The following C8orf34 variants were observed in gnomAD, a reference collection of about 807,000 sequenced individuals.
C8orf34 encodes uncharacterized protein C8orf34.
In C8orf34, 65 loss-of-function variants were observed where a neutral mutation model predicts 68.3. The ratio of observed to expected loss-of-function variants is 0.95; its 90% CI spans 0.78 to 1.17. C8orf34 has a LOEUF of 1.17. Among genes scored for constraint, C8orf34 ranks in the 50% most tolerant of loss-of-function variants. C8orf34 has a pLI of 0.00. For synonymous variants in C8orf34, 244 were observed against 241.2 expected, an observed-to-expected ratio of 1.01 and a Z score of -0.11; for missense variants, 664 against 655.4, an observed-to-expected ratio of 1.01 and a Z score of -0.14.
chr8:68,394,225 C>T (rs1358372638), intron 1 of C8orf34, among the ~76,000 whole-genome samples: 403 of 130,918 alleles, frequency 3.1e-3, no homozygotes, highest in East Asian at 3.8e-3. Flanking sequence ...TCTCCCAATG[C>T]TATCCCTCCC....
chr8:68,496,709 T>G (rs1813539844), intron 5 of C8orf34, among the ~76,000 whole-genome samples: 1 of 152,208 alleles, frequency 6.6e-6, no homozygotes, highest in African/African-American at 2.4e-5. Flanking sequence ...TCTATTTCTG[T>G]TTATTTCTCC....
At chr8:68,519,928 G>C (rs1009806225) in intron 5 of C8orf34, among the ~76,000 whole-genome samples, 4 of 152,134 alleles carry the variant, frequency 2.6e-5, no homozygotes, top group Non-Finnish European at 5.9e-5. Context: ...TCAAAAACAT[G>C]TCTTCACAGT....
chr8:68,463,988 G>C (rs539483453), intron 3 of C8orf34, among the ~76,000 whole-genome samples: 83 of 152,292 alleles, frequency 5.5e-4, no homozygotes, highest in African/African-American at 1.9e-3. Context: ...ATTAGGAAAA[G>C]AGGAAGTCAA....
At position 68,465,815 on chromosome 8, in the gene C8orf34, G is replaced by T. The variant is rs1265593326; in HGVS notation, c.608-2877G>T. Among the ~76,000 whole-genome samples, 41 of 151,874 alleles carry T rather than the reference G, an allele frequency of 2.7e-4. 1 individual carries two copies. The South Asian group carries it at 7.5e-3, about 28-fold the overall frequency. ...GGGGCCTGTTGTGGGGTGGGGGCAG[G>T]GGGGAGGGATAGCATTAGGAGATAT... On this transcript the variant is annotated intron_variant, in intron 3 of 13. Transcript: ENST00000518698.
chr8:68,501,950 TGACATTTCAAAAAAAAA>T (rs1813792182), intron 5 of C8orf34, among the ~76,000 whole-genome samples: 1 of 152,218 alleles, frequency 6.6e-6, no homozygotes, highest in African/African-American at 2.4e-5. Flanking sequence ...GTAAATATTT[TGACATTTCAAAAAAAAA>T]GATATTTCTT....
intron 1 of C8orf34, among the ~76,000 whole-genome samples, chr8:68,427,693 A>G (rs1810287916): frequency 6.6e-6 from 1 of 152,090 alleles, no homozygotes; most frequent in Non-Finnish European, 1.5e-5. Flanking sequence ...ACGAATGCAT[A>G]TAAACTGGGA....
At chr8:68,587,555 A>G (rs1817244458) in intron 7 of C8orf34, among the ~76,000 whole-genome samples, 1 of 152,146 alleles carries the variant, frequency 6.6e-6, no homozygotes, top group African/African-American at 2.4e-5. Context: ...AAGATAGGAA[A>G]GATAGATAAG....
At chr8:68,794,234 C>T (rs1824098439) in intron 12 of C8orf34, among the ~76,000 whole-genome samples, 1 of 151,494 alleles carries the variant, frequency 6.6e-6, no homozygotes, top group Admixed American at 6.6e-5. Context: ...TGCAGGGGGG[C>T]AATCACAGCT....
chr8:68,570,534 G>A (rs964129337), intron 7 of C8orf34, among the ~76,000 whole-genome samples: 6 of 152,178 alleles, frequency 3.9e-5, no homozygotes, highest in Non-Finnish European at 2.9e-5. Context: ...TATCATAATA[G>A]TTGCAGTTCC....
chr8:68,669,873 C>G (rs1175538100), intron 8 of C8orf34, among the ~76,000 whole-genome samples: 1 of 152,162 alleles, frequency 6.6e-6, no homozygotes, highest in African/African-American at 2.4e-5. Flanking sequence ...TTGTCTAACT[C>G]TGGGATGAAT....
chr8:68,807,456 A>C (rs1021934990), intron 12 of C8orf34, among the ~76,000 whole-genome samples: 6 of 151,962 alleles, frequency 3.9e-5, no homozygotes, highest in Non-Finnish European at 2.9e-5. Context: ...ATATACATTG[A>C]CTTGTAGTTT....
At chr8:68,729,661 C>T (rs1821926602) in intron 10 of C8orf34, among the ~76,000 whole-genome samples, 1 of 152,058 alleles carries the variant, frequency 6.6e-6, no homozygotes, top group African/African-American at 2.4e-5. Flanking sequence ...ATTATAAAAT[C>T]ACACTTAGGC....
At chr8:68,550,920 C>G (rs188199864) in intron 7 of C8orf34, among the ~76,000 whole-genome samples, 51 of 151,256 alleles carry the variant, frequency 3.4e-4, no homozygotes, top group Admixed American at 1.6e-3. Flanking sequence ...TGCTTCCCCC[C>G]CTCTGGTTTC....
At chr8:68,679,147 C>G (rs961887449) in intron 8 of C8orf34, among the ~76,000 whole-genome samples, 3 of 151,894 alleles carry the variant, frequency 2.0e-5, no homozygotes, top group Non-Finnish European at 4.4e-5. Context: ...ATTAGCCAGG[C>G]ATGGTGGCAC....
chr8:68,377,979 TACTC>T (rs1421331325), intron 1 of C8orf34, among the ~76,000 whole-genome samples: 1 of 152,070 alleles, frequency 6.6e-6, no homozygotes, highest in Non-Finnish European at 1.5e-5. Flanking sequence ...TCATGAGACT[TACTC>T]ACTATGACAA....
chr8:68,688,411 G>A (rs1002621810), intron 8 of C8orf34, among the ~76,000 whole-genome samples: 1 of 152,006 alleles, frequency 6.6e-6, no homozygotes, highest in Admixed American at 6.6e-5. Context: ...AAGACAGTAT[G>A]GCAATTCCTC....
intron 1 of C8orf34, among the ~76,000 whole-genome samples, chr8:68,427,857 T>A (rs920846115): frequency 2.0e-4 from 30 of 151,546 alleles, no homozygotes; most frequent in African/African-American, 6.8e-4. Flanking sequence ...GATTGTATAG[T>A]TATTTCAAAA....
chr8:68,679,286 A>C (rs1820291571), intron 8 of C8orf34, among the ~76,000 whole-genome samples: 1 of 152,172 alleles, frequency 6.6e-6, no homozygotes, highest in African/African-American at 2.4e-5. Flanking sequence ...GACTTTGTCT[A>C]AAAACAAAAC....
In C8orf34 at chr8:68,448,543, C is replaced by T. The variant is rs191609647; in HGVS notation, c.607+2083C>T. ...TCACTAAGAACTAGCACAAAATGCTCAAATTAAAAATTAGTAGACACATTA... is the reference window on the plus strand; with the variant it reads ...TCACTAAGAACTAGCACAAAATGCTTAAATTAAAAATTAGTAGACACATTA... On this transcript the variant is annotated intron_variant, in intron 3 of 13. Transcript: ENST00000518698. Among the ~76,000 whole-genome samples the T allele has an allele frequency of 2.2e-3, 328 of 151,996 alleles. 1 individual carries two copies. Among genetic ancestry groups the T allele is most frequent in the African/African-American group, 7.1e-3 (295 of 41,480 alleles).
Sources: allele counts gnomAD v4.1 joint callset (sites outside exome capture counted in the v4.1 genomes callset), GRCh38; gene constraint gnomAD v4.1.1; transcripts MANE v1.5; gene names NCBI Gene and HGNC (gene_info 2026-07-23, HGNC 2026-07-21).